The following ENTREP2 variants were observed in gnomAD, a reference collection of about 807,000 sequenced individuals.
ENTREP2 encodes protein ENTREP2.
chr15:29,408,589 T>C, the ENTREP2 span, among the ~76,000 whole-genome samples: 1 of 152,338 alleles, frequency 6.6e-6, no homozygotes, highest in East Asian at 1.9e-4. Flanking sequence ...TTTGCAATGA[T>C]GATTCTACTT....
the ENTREP2 span, among the ~76,000 whole-genome samples, chr15:29,304,009 T>C: frequency 1.3e-5 from 2 of 152,108 alleles, no homozygotes; most frequent in African/African-American, 2.4e-5. Flanking sequence ...GCCTCCCAAG[T>C]AGCTGGGACT....
the ENTREP2 span, among the ~76,000 whole-genome samples, chr15:29,486,191 A>AT: frequency 8.3e-6 from 1 of 120,472 alleles, no homozygotes; most frequent in African/African-American, 2.9e-5. Context: ...CACACACACA[A>AT]ACACACAATA....
At chr15:29,490,191 G>A in the ENTREP2 span, among the ~76,000 whole-genome samples, 5 of 152,214 alleles carry the variant, frequency 3.3e-5, no homozygotes, top group African/African-American at 9.7e-5. Context: ...TGCATCTGGA[G>A]TCGTTAGTTC....
At chr15:29,139,245 GCTCCCGTGGGC>G in the ENTREP2 span, among the ~76,000 whole-genome samples, 1 of 152,184 alleles carries the variant, frequency 6.6e-6, no homozygotes, top group Admixed American at 6.5e-5. Flanking sequence ...CAGGAAAATG[GCTCCCGTGGGC>G]CTCCTAACAC....
chr15:29,406,105 T>C, the ENTREP2 span, among the ~76,000 whole-genome samples: 4 of 152,304 alleles, frequency 2.6e-5, no homozygotes, highest in East Asian at 3.9e-4. Flanking sequence ...TACCATATAA[T>C]GTGTCATGAT....
At chr15:29,540,219 C>G in the ENTREP2 span, among the ~76,000 whole-genome samples, 1 of 152,304 alleles carries the variant, frequency 6.6e-6, no homozygotes, top group East Asian at 1.9e-4. Context: ...ATCCATCACC[C>G]TAGTGTTTCC....
the ENTREP2 span, chr15:29,124,866 C>G: frequency 1.0e-6 from 1 of 1,002,604 alleles, no homozygotes; most frequent in Non-Finnish European, 1.5e-6. Context: ...GGCGAGCAAG[C>G]AGGAGAAGCC....
the ENTREP2 span, among the ~76,000 whole-genome samples, chr15:29,400,884 T>A: frequency 6.6e-6 from 1 of 152,170 alleles, no homozygotes; most frequent in Non-Finnish European, 1.5e-5. Context: ...TGGAGTCCCG[T>A]CCCCATCCCA....
At chr15:29,300,818 CG>C in the ENTREP2 span, among the ~76,000 whole-genome samples, 1 of 152,166 alleles carries the variant, frequency 6.6e-6, no homozygotes, top group Non-Finnish European at 1.5e-5. Context: ...CAGACAGTCT[CG>C]ATCTCTTGAC....
chr15:29,499,901 G>T, the ENTREP2 span, among the ~76,000 whole-genome samples: 2 of 152,098 alleles, frequency 1.3e-5, no homozygotes, highest in Non-Finnish European at 2.9e-5. Context: ...TAAAAGGAAA[G>T]AAAAGGATAT....
chr15:29,271,598 T>C, the ENTREP2 span, among the ~76,000 whole-genome samples: 77 of 152,278 alleles, frequency 5.1e-4, no homozygotes, highest in African/African-American at 4.1e-4. Context: ...TAGAAGAACA[T>C]TGTATAAAGA....
the ENTREP2 span, among the ~76,000 whole-genome samples, chr15:29,440,207 GTAGTT>G: frequency 6.6e-6 from 1 of 152,134 alleles, no homozygotes; most frequent in Non-Finnish European, 1.5e-5. Context: ...AAAAAAGTCT[GTAGTT>G]TAGTTATTTT....
At chr15:29,203,212 C>T in the ENTREP2 span, among the ~76,000 whole-genome samples, 1 of 152,204 alleles carries the variant, frequency 6.6e-6, no homozygotes, top group African/African-American at 2.4e-5. Flanking sequence ...ACCATCCTGG[C>T]TAACATGGCG....
the ENTREP2 span, among the ~76,000 whole-genome samples, chr15:29,532,442 C>T: frequency 6.6e-6 from 1 of 152,144 alleles, no homozygotes; most frequent in Non-Finnish European, 1.5e-5. Context: ...AAGCATAAAA[C>T]ATGATCATAC....
chr15:29,220,799 C>T, the ENTREP2 span, among the ~76,000 whole-genome samples: 2 of 151,494 alleles, frequency 1.3e-5, no homozygotes, highest in South Asian at 4.2e-4. Context: ...TTATAACATT[C>T]GTTGACCTTT....
At chr15:29,489,637 C>T in the ENTREP2 span, among the ~76,000 whole-genome samples, 35 of 152,278 alleles carry the variant, frequency 2.3e-4, no homozygotes, top group African/African-American at 7.9e-4. Flanking sequence ...ATGTATTTTA[C>T]GCACAAAATG....
chr15:29,652,840 C>T, the ENTREP2 span, among the ~76,000 whole-genome samples: 1 of 152,206 alleles, frequency 6.6e-6, no homozygotes, highest in African/African-American at 2.4e-5. Flanking sequence ...ACCTTGGCAG[C>T]CGTGGATCCA....
chr15:29,196,711 T>C, the ENTREP2 span: 1 of 770,452 alleles, frequency 1.3e-6, no homozygotes, highest in East Asian at 2.9e-5. Context: ...GCAAAAACAA[T>C]TTCTATTGAC....
At chr15:29,599,310 AAT>A in the ENTREP2 span, among the ~76,000 whole-genome samples, 1 of 152,224 alleles carries the variant, frequency 6.6e-6, no homozygotes, top group African/African-American at 2.4e-5. Flanking sequence ...CATTTAGACT[AAT>A]AAGGATGGAG....
Sources: allele counts gnomAD v4.1 joint callset (sites outside exome capture counted in the v4.1 genomes callset), GRCh38; gene constraint gnomAD v4.1.1; transcripts MANE v1.5; gene names NCBI Gene and HGNC (gene_info 2026-07-23, HGNC 2026-07-21).